The following SRSF11 variants were observed in gnomAD, a reference collection of about 807,000 sequenced individuals.
SRSF11 encodes serine/arginine-rich splicing factor 11.
SRSF11 carries 9 observed loss-of-function variants against 56.0 expected under a neutral mutation model. That is an observed-to-expected ratio of 0.16 (90% CI 0.10 to 0.28). The LOEUF is 0.28. SRSF11 is among the 10% of genes least tolerant of loss of function. The probability of loss-of-function intolerance (pLI) is 1.00; values close to 1 mark genes in which losing one functional copy is unlikely to be tolerated. For synonymous variants in SRSF11, 222 were observed against 215.3 expected, an observed-to-expected ratio of 1.03 and a Z score of -0.27; for missense variants, 421 against 600.7, an observed-to-expected ratio of 0.70 and a Z score of 3.13.
At chr1:70,208,109 T>A (rs542821539) in intron 1 of SRSF11, among the ~76,000 whole-genome samples, 2 of 152,284 alleles carry the variant, frequency 1.3e-5, no homozygotes, top group Admixed American at 1.3e-4. Flanking sequence ...AGGTATAATT[T>A]TTAAATTTGT....
At position 70,228,498 on chromosome 1, in the gene SRSF11, C is replaced by T. The variant is rs765969218; in HGVS notation, c.280C>T (p.His94Tyr). ...HDPDSAVVAQ[H>Y]LTNTVFVDRA... ...TCCAGACTCAGCAGTTGTGGCACAG[C>T]ATCTGACAAACACTGTATTCGTTGA... Residue 94 changes from histidine to tyrosine, a missense_variant, in exon 2 of 12, where the codon CAT (histidine) becomes TAT (tyrosine). Physicochemically the swap from His to Tyr is moderately conservative, Grantham distance 83 (BLOSUM62 2). Coordinates refer to ENST00000370949, the MANE Select transcript of SRSF11 (RefSeq NM_001350605.2). 2.1e-5 allele frequency: 34 copies of T among 1,613,724 alleles called. No individual in the cohort carries two copies. Among genetic ancestry groups the T allele is most frequent in the Non-Finnish European group, 2.9e-5 (34 of 1,179,828 alleles).
intron 2 of SRSF11, chr1:70,230,386 G>A (rs1047939883): frequency 2.7e-6 from 3 of 1,100,666 alleles, no homozygotes; most frequent in African/African-American, 3.4e-5. Flanking sequence ...CAGTGTTTTA[G>A]AACAGTAGAC....
Position 70,221,420 on chromosome 1 carries a change from T to G in SRSF11, c.-217T>G. 1 of 582,284 alleles carries G rather than the reference T, an allele frequency of 1.7e-6. No homozygotes were observed. Among genetic ancestry groups the G allele is most frequent in the Non-Finnish European group, 2.9e-6 (1 of 343,914 alleles). The allele number at this position is 582,284 out of a possible 1,614,324, so 36.1% of individuals were successfully genotyped here. ...GGCGAGGTGGGGCGGCCGTTTGTTT[T>G]CTCGTGGTCTCGAGCTCGCGCGCTC... On this transcript the variant is annotated 5_prime_UTR_variant, in exon 1 of 12. Transcript: ENST00000370949.
intron 1 of SRSF11, chr1:70,205,795 C>T (rs369429642): frequency 5.5e-5 from 23 of 418,256 alleles, no homozygotes; most frequent in Middle Eastern, 1.3e-3. Context: ...GTGCGTTTAA[C>T]GGGCTTAAGA....
At position 70,244,753 on chromosome 1, in the gene SRSF11, A is replaced by G; in HGVS notation, c.870A>G (p.Pro290=). The G allele has an allele frequency of 6.2e-7, 1 of 1,614,212 alleles. No homozygotes were observed. The highest frequency in any genetic ancestry group is 8.5e-7 in the Non-Finnish European group (1 of 1,180,028). ...GGAGTCGGCGACGATCCAAAAGCCC[A>G]AGGCGGAGAAGATCTCATTCCAGAG... ...KSRSRRRSKS[P]RRRRSHSRER... The change falls in exon 8 of 12, where the codon CCA becomes CCG. Residue 290 remains proline (P), a synonymous_variant. Transcript: ENST00000370949.
At chr1:70,215,603 A>C (rs1310247648) in intron 1 of SRSF11, among the ~76,000 whole-genome samples, 2 of 152,222 alleles carry the variant, frequency 1.3e-5, no homozygotes, top group South Asian at 2.1e-4. Context: ...GGGAAGAGCT[A>C]TTTAACAACT....
At chr1:70,220,299 C>T (rs1048324086), upstream of SRSF11, among the ~76,000 whole-genome samples, 23 of 152,262 alleles carry the variant, frequency 1.5e-4, no homozygotes, top group Admixed American at 7.9e-4. Flanking sequence ...TGTGTATCGG[C>T]ACAGAGACAT....
chr1:70,209,659 C>G (rs968764098), intron 1 of SRSF11, among the ~76,000 whole-genome samples: 1 of 148,756 alleles, frequency 6.7e-6, no homozygotes, highest in African/African-American at 2.5e-5. Context: ...TGCCCAGGCT[C>G]ACTGCAGCCT....
intron 1 of SRSF11, among the ~76,000 whole-genome samples, chr1:70,227,186 T>A (rs1671969948): frequency 6.6e-6 from 1 of 152,222 alleles, no homozygotes; most frequent in South Asian, 2.1e-4. Flanking sequence ...ATTATTTTTC[T>A]TTTCAACAAT....
At chr1:70,235,457 ATTG>A (rs760621689) in intron 4 of SRSF11, 41 bp from the exon 5 acceptor site, 168 of 1,492,650 alleles carry the variant, frequency 1.1e-4, no homozygotes, top group Non-Finnish European at 1.5e-4. Context: ...TCGGTCATTT[ATTG>A]TTTTATGTAT....
At chr1:70,210,159 C>T (rs1224547072) in intron 1 of SRSF11, among the ~76,000 whole-genome samples, 1 of 151,450 alleles carries the variant, frequency 6.6e-6, no homozygotes, top group East Asian at 2.0e-4. Flanking sequence ...CTGCTCCCGC[C>T]CCCCTTTTTT....
At chr1:70,246,587 G>C (rs565496423) in intron 8 of SRSF11, 1 of 327,738 alleles carries the variant, frequency 3.1e-6, no homozygotes, top group African/African-American at 2.1e-5. Context: ...CTCACCCATA[G>C]TCTACTTTAG....
At chr1:70,227,669 C>T (rs1672089886) in intron 1 of SRSF11, among the ~76,000 whole-genome samples, 2 of 152,174 alleles carry the variant, frequency 1.3e-5, no homozygotes, top group African/African-American at 4.8e-5. Context: ...GAAAAAAACC[C>T]TGCTTCCTGT....
rs766967033 is a variant in SRSF11 at position 70,244,821 on chromosome 1, G to A, written c.932+6G>A. ...AGGAGCACATCAAAAACAAGGTATAGCATTGGGTGAGAAAGCAAATTTTAG... is the reference window on the plus strand; with the variant it reads ...AGGAGCACATCAAAAACAAGGTATAACATTGGGTGAGAAAGCAAATTTTAG... On this transcript the variant is annotated splice_donor_region_variant and intron_variant, in intron 8 of 11. Transcript: ENST00000370949. 1 of 1,613,594 alleles carries A rather than the reference G, an allele frequency of 6.2e-7. No individual in the cohort carries two copies. The highest frequency in any genetic ancestry group is 8.5e-7 in the Non-Finnish European group (1 of 1,179,796).
In SRSF11 at chr1:70,250,827, A is replaced by G. The variant is rs781578556; in HGVS notation, c.*22A>G. The G allele has an allele frequency of 1.3e-6, 2 of 1,595,580 alleles. No individual in the cohort carries two copies. The highest frequency in any genetic ancestry group is 1.7e-6 in the Non-Finnish European group (2 of 1,163,912). On this transcript the variant is annotated 3_prime_UTR_variant, in exon 12 of 12. Transcript: ENST00000370949. ...CTGAATATTGCCTCTGAGGGAGTCC[A>G]ACTGTATACCTGCATCAGTGTCATT...
At chr1:70,231,383 A>C in intron 2 of SRSF11, 1 of 1,060,176 alleles carries the variant, frequency 9.4e-7, no homozygotes, top group Non-Finnish European at 1.1e-6. Context: ...GTCTACATAA[A>C]TATTTGTTTT....
intron 1 of SRSF11, among the ~76,000 whole-genome samples, chr1:70,210,647 C>T (rs370698647): frequency 6.6e-6 from 1 of 152,020 alleles, no homozygotes; most frequent in East Asian, 1.9e-4. Context: ...CCCGGAAGGC[C>T]GAGGTTGCAA....
chr1:70,226,505 G>T (rs1308928816), intron 1 of SRSF11, among the ~76,000 whole-genome samples: 2 of 152,070 alleles, frequency 1.3e-5, no homozygotes, highest in East Asian at 1.9e-4. Flanking sequence ...TTTTCCTAAA[G>T]AACTATTTAT....
rs374146375 is a variant in SRSF11, at chr1:70,207,654, G to T, written c.-26+1874G>T. Among the ~76,000 whole-genome samples, 102 of 151,030 alleles carry T rather than the reference G, an allele frequency of 6.8e-4. 2 individuals carry two copies. In the South Asian group the frequency reaches 0.021, roughly 31 times the overall value. On this transcript the variant is annotated intron_variant, in intron 1 of 12. Coordinates refer to the SRSF11 transcript ENST00000370950. ...GGGGAAGAAACAACCCACCTTTGGA[G>T]AATTGAATTGCTCGAGTACAAAATT...
Sources: allele counts gnomAD v4.1 joint callset (sites outside exome capture counted in the v4.1 genomes callset), GRCh38; gene constraint gnomAD v4.1.1; transcripts MANE v1.5; gene names NCBI Gene and HGNC (gene_info 2026-07-23, HGNC 2026-07-21).